Variants in RORA observed in about 807,000 individuals in gnomAD.
RORA encodes nuclear receptor ROR-alpha.
In RORA, 7 loss-of-function variants were observed where a neutral mutation model predicts 69.5. The ratio of observed to expected loss-of-function variants is 0.10; its 90% CI spans 0.06 to 0.19. The LOEUF (loss-of-function observed/expected upper bound fraction) is 0.19. RORA is among the 10% of genes least tolerant of loss of function. The pLI is 1.00. For synonymous variants in RORA, 261 were observed against 240.8 expected (o/e 1.08, Z -0.78); for missense variants, 457 against 663.0 (o/e 0.69, Z 3.41).
At chr15:61,102,261 G>A (rs569986581) in intron 1 of RORA, among the ~76,000 whole-genome samples, 11 of 152,248 alleles carry the variant, frequency 7.2e-5, no homozygotes, top group South Asian at 2.1e-4. Context: ...CCCTCAACCC[G>A]ACTGACTTGA....
chr15:60,593,276 C>T (rs905950197), intron 2 of RORA: 1 of 164,060 alleles, frequency 6.1e-6, no homozygotes, highest in South Asian at 1.4e-4. Context: ...CAAGGAAAGC[C>T]GGAAATTGTA....
At chr15:60,870,799 T>C (rs1019329331) in intron 1 of RORA, among the ~76,000 whole-genome samples, 1 of 152,252 alleles carries the variant, frequency 6.6e-6, no homozygotes, top group African/African-American at 2.4e-5. Flanking sequence ...GGGTCACTTA[T>C]AGAGTTGTTT....
chr15:61,053,373 C>T (rs2078041652), intron 1 of RORA, among the ~76,000 whole-genome samples: 1 of 152,054 alleles, frequency 6.6e-6, no homozygotes, highest in Non-Finnish European at 1.5e-5. Flanking sequence ...GACAAAGGCC[C>T]TGGGTTGTCT....
chr15:60,521,025 C>G (rs1046280222), intron 3 of RORA, among the ~76,000 whole-genome samples: 2 of 151,946 alleles, frequency 1.3e-5, no homozygotes, highest in Non-Finnish European at 2.9e-5. Context: ...AACAAACAGG[C>G]CTTTGGTGCT....
intron 2 of RORA, among the ~76,000 whole-genome samples, chr15:60,648,604 C>G (rs2070093991): frequency 2.0e-5 from 3 of 152,198 alleles, no homozygotes; most frequent in Admixed American, 2.0e-4. Context: ...CAGAGAAGTA[C>G]AAATATGTTG....
chr15:61,217,332 A>C (rs2080049481), intron 1 of RORA, among the ~76,000 whole-genome samples: 1 of 152,216 alleles, frequency 6.6e-6, no homozygotes, highest in Non-Finnish European at 1.5e-5. Flanking sequence ...TAAATGAGCA[A>C]GGCCCATATG....
intron 1 of RORA, among the ~76,000 whole-genome samples, chr15:61,179,421 G>A (rs919831645): frequency 2.7e-4 from 41 of 152,196 alleles, no homozygotes; most frequent in African/African-American, 9.9e-4. Context: ...TCTTCTAACT[G>A]GTTTTTGTTT....
At position 60,627,592 on chromosome 15, in the gene RORA, T is replaced by C. The variant is rs1443387232; in HGVS notation, c.196+51065A>G. ...TGAGGTACTTACAATTCTCCCATAA[T>C]TGTTGACTAAATTCCAAAGCTGGGC... On this transcript the variant is annotated intron_variant, in intron 2 of 10. Coordinates refer to ENST00000335670, the MANE Select transcript of RORA (RefSeq NM_134261.3). 1.1e-5 allele frequency: 13 copies of C among 1,198,970 alleles called. 1 individual carries two copies. The highest frequency in any genetic ancestry group is 1.2e-5 in the Non-Finnish European group (11 of 947,070). The allele number at this position is 1,198,970 out of a possible 1,614,324, so 74.3% of individuals were successfully genotyped here.
intron 1 of RORA, among the ~76,000 whole-genome samples, chr15:60,685,157 A>C (rs1387639211): frequency 6.6e-6 from 1 of 152,210 alleles, no homozygotes; most frequent in Non-Finnish European, 1.5e-5. Flanking sequence ...TCCTGTTATT[A>C]AACGGGATAA....
intron 1 of RORA, among the ~76,000 whole-genome samples, chr15:61,141,996 T>C (rs941174533): frequency 6.6e-6 from 1 of 152,018 alleles, no homozygotes; most frequent in South Asian, 2.1e-4. Context: ...GGAGGGTAAA[T>C]ATGGGGAAAG....
At chr15:60,887,758 G>T (rs2073767540) in intron 1 of RORA, among the ~76,000 whole-genome samples, 1 of 152,158 alleles carries the variant, frequency 6.6e-6, no homozygotes, top group African/African-American at 2.4e-5. Flanking sequence ...AGGCTGTGGG[G>T]CTGTCCTGCA....
At chr15:60,847,588 T>C (rs1695677837) in intron 1 of RORA, among the ~76,000 whole-genome samples, 1 of 152,006 alleles carries the variant, frequency 6.6e-6, no homozygotes. Context: ...CCACCAACCA[T>C]ATGTAGCTGT....
chr15:61,176,739 T>C (rs546505028), intron 1 of RORA, among the ~76,000 whole-genome samples: 68 of 152,298 alleles, frequency 4.5e-4, no homozygotes, highest in African/African-American at 1.5e-3. Flanking sequence ...GTGTAATTCA[T>C]AGTAAAATGA....
At chr15:61,016,620 G>A (rs373372635) in intron 1 of RORA, among the ~76,000 whole-genome samples, 240 of 152,234 alleles carry the variant, frequency 1.6e-3, no homozygotes, top group African/African-American at 5.2e-3. Context: ...GACCACAGAC[G>A]AGTCTACATC....
intron 1 of RORA, among the ~76,000 whole-genome samples, chr15:60,703,050 A>AT (rs2071007088): frequency 6.6e-6 from 1 of 152,108 alleles, no homozygotes; most frequent in African/African-American, 2.4e-5. Context: ...GAGCAAGGGA[A>AT]TAGATGAACC....
chr15:60,611,735 G>A (rs1045665320), intron 2 of RORA, among the ~76,000 whole-genome samples: 9 of 152,050 alleles, frequency 5.9e-5, no homozygotes, highest in African/African-American at 1.7e-4. Context: ...GGAGAGACCC[G>A]CCTTTCTGGC....
At chr15:61,038,260 T>A (rs1896562808) in intron 1 of RORA, among the ~76,000 whole-genome samples, 1 of 152,204 alleles carries the variant, frequency 6.6e-6, no homozygotes, top group South Asian at 2.1e-4. Context: ...TATGTAGCAA[T>A]GAGACAAAAT....
chr15:60,664,012 C>A (rs1031933379), intron 2 of RORA, among the ~76,000 whole-genome samples: 4 of 152,156 alleles, frequency 2.6e-5, no homozygotes, highest in Admixed American at 6.5e-5. Flanking sequence ...TCATTTTGTT[C>A]ATTAGAAATC....
At chr15:60,808,722 T>A (rs896168787) in intron 1 of RORA, among the ~76,000 whole-genome samples, 1 of 149,388 alleles carries the variant, frequency 6.7e-6, no homozygotes. Flanking sequence ...ATATAAAACA[T>A]AATTTATATA....
Sources: gnomAD v4.1 joint callset for allele counts (sites outside exome capture counted in the v4.1 genomes callset) on GRCh38, gnomAD v4.1.1 for gene constraint, MANE v1.5 for transcripts, NCBI Gene and HGNC (gene_info 2026-07-23, HGNC 2026-07-21) for gene names.